The following SEPTIN10 variants were observed in gnomAD, a reference collection of about 807,000 sequenced individuals.
SEPTIN10 encodes the protein septin-10.
Under a neutral mutation model 54.8 loss-of-function variants are expected in SEPTIN10, and 66 were observed. That is an observed-to-expected ratio of 1.21 (90% CI 0.99 to 1.48). The LOEUF (loss-of-function observed/expected upper bound fraction) is 1.48. SEPTIN10 is among the 40% of genes most tolerant of loss of function. The pLI, the probability that SEPTIN10 is intolerant of heterozygous loss-of-function variation, is 0.00. For synonymous variants in SEPTIN10, 161 were observed against 181.0 expected (o/e 0.89, Z 0.89); for missense variants, 620 against 545.6 (o/e 1.14, Z -1.36).
Position 109,604,995 on chromosome 2 carries a change from A to G in SEPTIN10, c.30+8803T>C, listed in dbSNP as rs1224511237. 3 of 152,210 alleles carry G rather than the reference A, an allele frequency of 2.0e-5. 1 individual carries two copies. The East Asian group carries it at 5.8e-4, about 29-fold the overall frequency. The allele number at this position is 152,210 out of a possible 1,614,324, so 9.4% of individuals were successfully genotyped here. ...ACAGGTTTGATGCAACTTTGGAACT[A>G]CTGAGTTTAAGGTTCCTATGAGCAC... On this transcript the variant is annotated intron_variant, in intron 1 of 10. Coordinates refer to ENST00000397712, the MANE Select transcript of SEPTIN10 (RefSeq NM_144710.5).
intron 1 of SEPTIN10, chr2:109,594,611 C>G (rs763458197): frequency 6.6e-6 from 1 of 152,236 alleles, no homozygotes; most frequent in Non-Finnish European, 1.5e-5. Context: ...CTGTCCTCTC[C>G]TCTGCAATTA....
At chr2:109,548,881 A>G (rs1206488667) in intron 9 of SEPTIN10, among the ~76,000 whole-genome samples, 2 of 152,138 alleles carry the variant, frequency 1.3e-5, no homozygotes, top group East Asian at 3.8e-4. Flanking sequence ...CTGGTCTAAT[A>G]AAACTGTTAT....
intron 1 of SEPTIN10, among the ~76,000 whole-genome samples, chr2:109,604,435 A>AAAG (rs1202759521): frequency 7.3e-6 from 1 of 137,490 alleles, no homozygotes; most frequent in Non-Finnish European, 1.6e-5. Flanking sequence ...GAAAGAAAGA[A>AAAG]AAGAAAAGAG....
Position 109,598,856 on chromosome 2 carries a change from G to A in SEPTIN10, c.31-5737C>T, listed in dbSNP as rs533121024. 4.0e-5 allele frequency among the ~76,000 whole-genome samples: 6 copies of A among 151,760 alleles called. No homozygotes were observed. The South Asian group carries it at 1.3e-3, about 32-fold the overall frequency. ...GATCACACCACTGCACTCCAGCCTGGGTGACAGAGTGAGACTAGGTCTCAA... is the reference window on the plus strand; with the variant it reads ...GATCACACCACTGCACTCCAGCCTGAGTGACAGAGTGAGACTAGGTCTCAA... On this transcript the variant is annotated intron_variant, in intron 1 of 10. Transcript: ENST00000397712.
intron 4 of SEPTIN10, among the ~76,000 whole-genome samples, chr2:109,579,974 A>G (rs566259609): frequency 1.7e-4 from 26 of 151,892 alleles, no homozygotes; most frequent in African/African-American, 5.8e-4. Flanking sequence ...TACAAAAATT[A>G]GCTGGGCGTG....
chr2:109,547,993 G>T (rs1056154774), intron 9 of SEPTIN10, among the ~76,000 whole-genome samples: 1 of 152,138 alleles, frequency 6.6e-6, no homozygotes, highest in African/African-American at 2.4e-5. Context: ...TAGGAGCTAT[G>T]TCTTTTTCAT....
intron 2 of SEPTIN10, among the ~76,000 whole-genome samples, chr2:109,587,890 G>T (rs536623746): frequency 3.3e-5 from 5 of 151,232 alleles, no homozygotes; most frequent in Admixed American, 2.6e-4. Context: ...TCCAGCCTGG[G>T]TGACAGAGCA....
chr2:109,602,896 T>C (rs557450849), intron 1 of SEPTIN10, among the ~76,000 whole-genome samples: 1 of 126,548 alleles, frequency 7.9e-6, no homozygotes, highest in African/African-American at 3.1e-5. Flanking sequence ...AGGCAGACCC[T>C]GTCTCAAAAA....
intron 1 of SEPTIN10, among the ~76,000 whole-genome samples, chr2:109,601,095 C>T (rs550502785): frequency 2.0e-4 from 31 of 152,248 alleles, no homozygotes; most frequent in African/African-American, 7.2e-4. Flanking sequence ...TCTTAAGGAG[C>T]CTCCATTATA....
At chr2:109,586,145 T>C (rs1371397724) in intron 2 of SEPTIN10, among the ~76,000 whole-genome samples, 1 of 152,120 alleles carries the variant, frequency 6.6e-6, no homozygotes, top group African/African-American at 2.4e-5. Context: ...AAATAAAAAG[T>C]TAAAGTCCAT....
rs77983749 is a variant in SEPTIN10, at chr2:109,585,234, T to A, written c.305A>T (p.Asn102Ile). Residue 102 changes from asparagine to isoleucine, a missense_variant, in exon 4 of 11, where the codon AAT becomes ATT. Asn to Ile is a moderately radical substitution (Grantham distance 149). Transcript: ENST00000397712. ...EDYESSHFCP[N>I]VKLKAQTYEL... is the part of the protein sequence containing the mutation. ...ATATGTCTGAGCTTTAAGTTTAACA[T>A]TTGGGCAAAAATGTGAGGATTCATA... 11 of 1,613,112 alleles carry A rather than the reference T, an allele frequency of 6.8e-6. No homozygotes were observed. In the Middle Eastern group the frequency reaches 5.0e-4, roughly 73 times the overall value.
intron 4 of SEPTIN10, among the ~76,000 whole-genome samples, chr2:109,583,873 A>C (rs1366110764): frequency 2.6e-5 from 4 of 152,168 alleles, no homozygotes; most frequent in African/African-American, 7.2e-5. Flanking sequence ...ATCCTAAGCA[A>C]ATTAACTCAG....
intron 2 of SEPTIN10, 114 bp downstream of exon 2, chr2:109,592,937 T>TA: frequency 1.8e-6 from 1 of 548,816 alleles, no homozygotes; most frequent in Non-Finnish European, 3.0e-6. Flanking sequence ...ACGTTGGAGG[T>TA]AAGTACAAAC....
chr2:109,570,826 T>A (rs1688197447), intron 5 of SEPTIN10, among the ~76,000 whole-genome samples: 1 of 152,134 alleles, frequency 6.6e-6, no homozygotes, highest in African/African-American at 2.4e-5. Flanking sequence ...CCGGCCTGTA[T>A]TAGGTATTAT....
Position 109,542,859 on chromosome 2 carries a change from AC to A in SEPTIN10, c.*1449del, listed in dbSNP as rs1456495373. ...ACTCTATGATTGCTCAGAATCTGAC[AC>A]AGACTAATAAGTTTCATTGTCTGAA... On this transcript the variant is annotated 3_prime_UTR_variant, in exon 11 of 11. Coordinates refer to ENST00000397712, the MANE Select transcript of SEPTIN10 (RefSeq NM_144710.5). 1.3e-5 allele frequency: 2 copies of A among 152,482 alleles called. No individual in the cohort carries two copies. The highest frequency in any genetic ancestry group is 1.3e-4 in the Admixed American group (2 of 15,290). 9.4% of individuals were successfully genotyped at this position (152,482 alleles called of 1,614,324 possible).
In SEPTIN10 at chr2:109,574,786, G is replaced by A. The variant is rs1261542135; in HGVS notation, c.414-19C>T. The A allele has an allele frequency of 1.3e-6, 2 of 1,537,848 alleles. No individual in the cohort carries two copies. The highest frequency in any genetic ancestry group is 1.8e-6 in the Non-Finnish European group (2 of 1,139,686). ...TTGGTAGCTGAAAAATTATTTAAATGTTTAATACAACATTATTTGTGCTAC... is the reference window on the plus strand; with the variant it reads ...TTGGTAGCTGAAAAATTATTTAAATATTTAATACAACATTATTTGTGCTAC... On this transcript the variant is annotated intron_variant, in intron 4 of 10. Transcript: ENST00000397712.
intron 9 of SEPTIN10, 80 bp from the exon 10 acceptor site, chr2:109,546,317 G>C: frequency 2.3e-6 from 2 of 872,208 alleles, no homozygotes. Context: ...ACACAAAGGC[G>C]GACCCCATAG....
intron 4 of SEPTIN10, among the ~76,000 whole-genome samples, chr2:109,578,424 A>G (rs147911436): frequency 3.3e-5 from 5 of 152,312 alleles, no homozygotes; most frequent in African/African-American, 1.2e-4. Context: ...CGTAATAATA[A>G]AAGTGTCAAT....
chr2:109,590,117 T>C (rs758689097), intron 2 of SEPTIN10, among the ~76,000 whole-genome samples: 3 of 151,660 alleles, frequency 2.0e-5, no homozygotes, highest in African/African-American at 4.8e-5. Context: ...TATGTATATA[T>C]ATACACACAT....
Sources: allele counts gnomAD v4.1 joint callset (sites outside exome capture counted in the v4.1 genomes callset), GRCh38; gene constraint gnomAD v4.1.1; transcripts MANE v1.5; gene names NCBI Gene and HGNC (gene_info 2026-07-23, HGNC 2026-07-21).